SNCAIP: variants seen among roughly 807,000 people sequenced by gnomAD.
SNCAIP encodes the protein synphilin-1.
A neutral mutation model predicts 86.7 loss-of-function variants in SNCAIP; 43 were observed. The ratio of observed to expected loss-of-function variants is 0.50; its 90% confidence interval spans 0.39 to 0.64. SNCAIP has a LOEUF of 0.64. SNCAIP is among the 30% of genes least tolerant of loss of function. The pLI, the probability that SNCAIP is intolerant of heterozygous loss-of-function variation, is 0.00. For missense variants in SNCAIP, 981 were observed against 1,103.1 expected, an observed-to-expected ratio of 0.89 and a Z score of 1.57; for synonymous variants, 417 against 427.2, an observed-to-expected ratio of 0.98 and a Z score of 0.29.
chr5:122,342,866 A>G (rs1050682835), intron 1 of SNCAIP, among the ~76,000 whole-genome samples: 4 of 152,234 alleles, frequency 2.6e-5, no homozygotes, highest in African/African-American at 9.6e-5. Flanking sequence ...TTCCAGTGGC[A>G]GAATGTTTAG....
chr5:122,345,825 AT>A (rs60103149), intron 1 of SNCAIP, among the ~76,000 whole-genome samples: 39,856 of 150,842 alleles, frequency 0.26, 6,147 homozygotes, highest in African/African-American at 0.44. Context: ...CGTGCCTGAC[AT>A]TTTTTTTTAA....
chr5:122,442,850 A>G (rs888040037), intron 7 of SNCAIP, among the ~76,000 whole-genome samples: 6 of 152,142 alleles, frequency 3.9e-5, no homozygotes, highest in African/African-American at 1.4e-4. Flanking sequence ...ACTGGGTACC[A>G]TGGAAGTGGA....
chr5:122,440,523 A>ATGG, intron 6 of SNCAIP, 106 bp from the exon 7 acceptor site: 5 of 1,063,022 alleles, frequency 4.7e-6, no homozygotes, highest in Non-Finnish European at 7.3e-6. Context: ...TACGGTAAGC[A>ATGG]TGGTTTTACC....
chr5:122,359,458 G>A (rs949771766), intron 1 of SNCAIP, among the ~76,000 whole-genome samples: 2 of 151,664 alleles, frequency 1.3e-5, no homozygotes, highest in African/African-American at 4.8e-5. Context: ...CTGCCTCCTG[G>A]GTTCAAATGA....
intron 1 of SNCAIP, among the ~76,000 whole-genome samples, chr5:122,314,543 A>G (rs1300882878): frequency 6.6e-6 from 1 of 152,216 alleles, no homozygotes; most frequent in Non-Finnish European, 1.5e-5. Flanking sequence ...TGAAAATCAA[A>G]TAGTTGCTTC....
At chr5:122,415,004 T>A (rs1163140080) in intron 3 of SNCAIP, among the ~76,000 whole-genome samples, 2 of 152,242 alleles carry the variant, frequency 1.3e-5, no homozygotes, top group Non-Finnish European at 2.9e-5. Flanking sequence ...GTGGAGGACA[T>A]TTTAGGAAAA....
At chr5:122,367,614 G>A (rs7380665) in intron 1 of SNCAIP, among the ~76,000 whole-genome samples, 130,348 of 152,008 alleles carry the variant, frequency 0.86, 56,043 homozygotes, top group Admixed American at 0.92. Flanking sequence ...GACACTTGGG[G>A]GAATTTCCCA....
chr5:122,353,725 G>A (rs1760401782), intron 1 of SNCAIP, among the ~76,000 whole-genome samples: 1 of 152,080 alleles, frequency 6.6e-6, no homozygotes, highest in South Asian at 2.1e-4. Flanking sequence ...GCTCCTCCTT[G>A]CCTTCTGCCA....
chr5:122,411,786 G>A (rs1034316134), intron 3 of SNCAIP, among the ~76,000 whole-genome samples: 3 of 152,074 alleles, frequency 2.0e-5, no homozygotes, highest in East Asian at 1.9e-4. Context: ...CAAAATCTGC[G>A]TTTTAACAAG....
chr5:122,450,517 T>A lies in SNCAIP; in HGVS notation c.1686-16T>A, dbSNP rs1783501596. 6.3e-7 allele frequency: 1 copy of A among 1,582,996 alleles called. No homozygotes were observed. Among genetic ancestry groups the A allele is most frequent in the African/African-American group, 1.3e-5 (1 of 74,268 alleles). ...CAGTAGGAAATCATCTCATATGTCC[T>A]TCATCTTCTTTTTAGTTCACCATCC... is the stretch of plus-strand genomic sequence containing the variant. On this transcript the variant is annotated splice_polypyrimidine_tract_variant and intron_variant, in intron 9 of 10. Coordinates refer to ENST00000261368, the MANE Select transcript of SNCAIP (RefSeq NM_005460.4).
At chr5:122,393,480 A>G (rs112253751) in intron 2 of SNCAIP, among the ~76,000 whole-genome samples, 615 of 152,258 alleles carry the variant, frequency 4.0e-3, no homozygotes, top group Middle Eastern at 0.01. Flanking sequence ...TTTAGCCACA[A>G]CACTTTACTG....
Position 122,340,816 on chromosome 5 carries a change from C to T in SNCAIP, c.-47+28532C>T, listed in dbSNP as rs187786622. On this transcript the variant is annotated intron_variant, in intron 1 of 10. Transcript: ENST00000261368. ...CTTGGAAATTTTAGAGTAAATTTTA[C>T]TACTTCATCACCTGTATCTAGATAA... Among the ~76,000 whole-genome samples, 8 of 152,284 alleles carry T rather than the reference C, an allele frequency of 5.3e-5. No individual in the cohort carries two copies. The East Asian group carries it at 1.2e-3, about 22-fold the overall frequency.
intron 3 of SNCAIP, among the ~76,000 whole-genome samples, chr5:122,410,274 T>C (rs1181702894): frequency 2.0e-5 from 3 of 152,190 alleles, no homozygotes; most frequent in African/African-American, 7.2e-5. Flanking sequence ...GTAATCACAA[T>C]ATGAGGACAA....
Position 122,423,270 on chromosome 5 carries a change from T to G in SNCAIP, c.533T>G (p.Leu178Trp), listed in dbSNP as rs146374307. Reference sequence around the variant, plus strand: ...AAGGTGACTTCAGAAAAAAGAATTTTGGGCTTATGCACAACCATCAATGGC... The same window carrying G: ...AAGGTGACTTCAGAAAAAAGAATTTGGGGCTTATGCACAACCATCAATGGC... ...FTKVTSEKRI[L>W]GLCTTINGLS... The change falls in exon 4 of 11, where the codon TTG (leucine) becomes TGG (tryptophan). Residue 178 changes from leucine to tryptophan, a missense_variant. Physicochemically the swap from Leu to Trp is moderately conservative, Grantham distance 61. Transcript: ENST00000261368. 13 of 1,614,086 alleles carry G rather than the reference T, an allele frequency of 8.1e-6. No individual in the cohort carries two copies. The African/African-American group carries it at 1.3e-4, about 17-fold the overall frequency.
At chr5:122,433,211 A>G (rs1015098461) in intron 6 of SNCAIP, among the ~76,000 whole-genome samples, 1 of 151,804 alleles carries the variant, frequency 6.6e-6, no homozygotes, top group African/African-American at 2.4e-5. Context: ...AATGTTTCCT[A>G]TGTGTGCCAG....
At chr5:122,423,885 T>G (rs1776875153) in intron 4 of SNCAIP, 146 bp downstream of exon 4, 1 of 687,084 alleles carries the variant, frequency 1.5e-6, no homozygotes, top group Non-Finnish European at 2.4e-6. Flanking sequence ...GATGTGACCT[T>G]TTGAGTTTTA....
intron 1 of SNCAIP, among the ~76,000 whole-genome samples, chr5:122,352,195 T>G (rs1442466816): frequency 6.6e-6 from 1 of 152,222 alleles, no homozygotes; most frequent in Non-Finnish European, 1.5e-5. Context: ...TTATCAGTTC[T>G]ACATTGTCAT....
intron 10 of SNCAIP, among the ~76,000 whole-genome samples, chr5:122,461,617 T>C (rs1786269383): frequency 6.6e-6 from 1 of 151,920 alleles, no homozygotes; most frequent in Non-Finnish European, 1.5e-5. Context: ...TATAATAATA[T>C]TAATTTCCAA....
intron 3 of SNCAIP, among the ~76,000 whole-genome samples, chr5:122,419,955 G>T (rs1304823809): frequency 1.3e-5 from 2 of 152,124 alleles, no homozygotes; most frequent in African/African-American, 2.4e-5. Context: ...ATTGAATTTT[G>T]TCTTTTGTAT....
Sources: allele counts gnomAD v4.1 joint callset (sites outside exome capture counted in the v4.1 genomes callset), GRCh38; gene constraint gnomAD v4.1.1; transcripts MANE v1.5; gene names NCBI Gene and HGNC (gene_info 2026-07-23, HGNC 2026-07-21).